The following MAP3K3 variants were observed in gnomAD, a reference collection of about 807,000 sequenced individuals.
MAP3K3 encodes MAP/ERK kinase kinase 3.
Under a neutral mutation model 80.9 loss-of-function variants are expected in MAP3K3, and 12 were observed. That is an observed-to-expected ratio of 0.15 (90% CI 0.10 to 0.24). MAP3K3 has a LOEUF of 0.24. MAP3K3 is among the 10% of genes least tolerant of loss of function. The pLI, the probability that MAP3K3 is intolerant of heterozygous loss-of-function variation, is 1.00. For synonymous variants in MAP3K3, 272 were observed against 307.1 expected, an observed-to-expected ratio of 0.89 and a Z score of 1.19; for missense variants, 596 against 834.7, an observed-to-expected ratio of 0.71 and a Z score of 3.52.
In MAP3K3 at chr17:63,693,398, G is replaced by A. The variant is rs1390805688; in HGVS notation, c.1653-151G>A. ...GTGAGTGTAGGTCCATGAAGCCCAC[G>A]TGGACAGACATCCAAGCTGAGGTAT... On this transcript the variant is annotated intron_variant, in intron 15 of 15. Transcript: ENST00000361733. The surrounding 1 kb of genome is among the most constrained non-coding windows in gnomAD (Gnocchi z 4.2). 3.2e-6 allele frequency: 2 copies of A among 615,410 alleles called. No individual in the cohort carries two copies. Among genetic ancestry groups the A allele is most frequent in the East Asian group, 3.0e-5 (1 of 32,928 alleles). 38.1% of individuals were successfully genotyped at this position (615,410 alleles called of 1,614,324 possible).
intron 6 of MAP3K3, among the ~76,000 whole-genome samples, chr17:63,667,375 T>C (rs1035633273): frequency 6.6e-6 from 1 of 152,224 alleles, no homozygotes; most frequent in East Asian, 1.9e-4. Flanking sequence ...CTTTTGACCA[T>C]TCTTGTGAAG....
chr17:63,679,712 A>G (rs9906221), intron 6 of MAP3K3, among the ~76,000 whole-genome samples: 5,229 of 152,198 alleles, frequency 0.034, 322 homozygotes, highest in African/African-American at 0.12. Context: ...TCCTGGCCTC[A>G]AGCATTTCTC....
At chr17:63,675,470 A>G (rs1432940154) in intron 6 of MAP3K3, among the ~76,000 whole-genome samples, 1 of 152,190 alleles carries the variant, frequency 6.6e-6, no homozygotes, top group Non-Finnish European at 1.5e-5. Flanking sequence ...GAGAAGGGCT[A>G]GAATCTGAGA....
rs140911192 is a variant in MAP3K3 at position 63,674,556 on chromosome 17, C to T, written c.503-7210C>T. On this transcript the variant is annotated intron_variant, in intron 6 of 15. Transcript: ENST00000361733. ...TAGAGATGAGTTCTCACTATGTTGC[C>T]CAGCCTGGTCTTGAATTCCTGGTCT... Among the ~76,000 whole-genome samples the T allele has an allele frequency of 8.5e-3, 1,296 of 152,132 alleles. 22 individuals are homozygous for T. Among genetic ancestry groups the T allele is most frequent in the African/African-American group, 0.029 (1,220 of 41,486 alleles).
intron 2 of MAP3K3, among the ~76,000 whole-genome samples, chr17:63,643,635 T>C (rs1274863259): frequency 6.6e-6 from 1 of 152,120 alleles, no homozygotes; most frequent in Admixed American, 6.6e-5. Context: ...ATTTATTAAT[T>C]AAAATAATAG....
intron 6 of MAP3K3, among the ~76,000 whole-genome samples, chr17:63,667,673 A>G (rs1485469102): frequency 2.0e-5 from 3 of 152,198 alleles, no homozygotes; most frequent in Non-Finnish European, 4.4e-5. Flanking sequence ...ACCTACCCAC[A>G]TCCTCCTTCA....
At position 63,693,676 on chromosome 17, in the gene MAP3K3, G is replaced by A; in HGVS notation, c.1780G>A (p.Glu594Lys). 1 of 1,609,194 alleles carries A rather than the reference G, an allele frequency of 6.2e-7. No homozygotes were observed. The change falls in exon 16 of 16, where the codon GAA (glutamate) becomes AAA (lysine). Residue 594 changes from glutamate to lysine, a missense_variant. Coordinates refer to ENST00000361733, the MANE Select transcript of MAP3K3 (RefSeq NM_002401.5). This position sits in a 1 kb window ranked among gnomAD's most constrained non-coding sequence, Gnocchi z 4.2. ...TNPQLPSHIS[E>K]HGRDFLRRIF... is the part of the protein sequence containing the mutation. ...TCCTCAGCTGCCCTCCCACATCTCT[G>A]AACATGGCCGGGACTTCCTGAGGCG...
At chr17:63,659,484 A>G (rs1371620389) in intron 5 of MAP3K3, among the ~76,000 whole-genome samples, 1 of 151,590 alleles carries the variant, frequency 6.6e-6, no homozygotes, top group Non-Finnish European at 1.5e-5. Context: ...ATATGTGATG[A>G]AATATCAGTT....
chr17:63,689,922 C>G lies in MAP3K3; in HGVS notation c.1063+187C>G. ...ACTATTGTGTGACAAGCCTCTTCTC[C>G]TCTCTGATCTTTAGTTTTTCCATGT... On this transcript the variant is annotated intron_variant, in intron 11 of 15. Transcript: ENST00000361733. This position sits in a 1 kb window ranked among gnomAD's most constrained non-coding sequence, Gnocchi z 4.3. The G allele has an allele frequency of 1.7e-6, 1 of 603,844 alleles. No individual in the cohort carries two copies. Among genetic ancestry groups the G allele is most frequent in the Non-Finnish European group, 2.9e-6 (1 of 348,164 alleles). The allele number at this position is 603,844 out of a possible 1,614,324, so 37.4% of individuals were successfully genotyped here.
chr17:63,691,926 G>T lies in MAP3K3; in HGVS notation c.1474+64G>T. 1 of 1,551,066 alleles carries T rather than the reference G, an allele frequency of 6.4e-7. No homozygotes were observed. The highest frequency in any genetic ancestry group is 8.8e-7 in the Non-Finnish European group (1 of 1,130,062). On this transcript the variant is annotated intron_variant, in intron 14 of 15. Transcript: ENST00000361733. The surrounding 1 kb of genome is among the most constrained non-coding windows in gnomAD (Gnocchi z 4.8). ...GGTTCAAGTCTACCATTGAGTGCCT[G>T]CAGGGGCCAATCACTTAACCATTCT... is the stretch of plus-strand genomic sequence containing the variant.
intron 6 of MAP3K3, among the ~76,000 whole-genome samples, chr17:63,667,430 T>G (rs1349405303): frequency 6.6e-6 from 1 of 152,208 alleles, no homozygotes; most frequent in Non-Finnish European, 1.5e-5. Flanking sequence ...GTTTGAATTT[T>G]GACCTTAAAC....
chr17:63,641,947 A>G (rs1257495737), intron 2 of MAP3K3, among the ~76,000 whole-genome samples: 1 of 152,252 alleles, frequency 6.6e-6, no homozygotes, highest in Non-Finnish European at 1.5e-5. Flanking sequence ...AGTTGGAAAT[A>G]GAGTTGGCCA....
At chr17:63,662,227 G>C (rs1417496814) in intron 5 of MAP3K3, among the ~76,000 whole-genome samples, 1 of 138,622 alleles carries the variant, frequency 7.2e-6, no homozygotes, top group Non-Finnish European at 1.5e-5. Flanking sequence ...GCAACATGGC[G>C]AAACCCTGTC....
chr17:63,690,946 G>A (rs1381727605), intron 12 of MAP3K3, 156 bp from the exon 13 acceptor site: 1 of 858,892 alleles, frequency 1.2e-6, no homozygotes, highest in South Asian at 1.7e-5. Context: ...CAGCATTGTG[G>A]CCAAGAGCTA....
At chr17:63,633,110 C>A (rs2034251123) in intron 2 of MAP3K3, among the ~76,000 whole-genome samples, 1 of 151,988 alleles carries the variant, frequency 6.6e-6, no homozygotes, top group South Asian at 2.1e-4. Flanking sequence ...TGCCTGTAGT[C>A]CCAGCTACTC....
intron 3 of MAP3K3, among the ~76,000 whole-genome samples, chr17:63,649,613 G>T (rs1398395076): frequency 6.6e-6 from 1 of 152,094 alleles, no homozygotes; most frequent in Non-Finnish European, 1.5e-5. Flanking sequence ...TTGCCATTTT[G>T]CCCAGGCTGG....
chr17:63,694,018 G>T lies in MAP3K3; in HGVS notation c.*241G>T, dbSNP rs530781711. The stretch of plus-strand genomic sequence containing the variant: ...GGAGCTCCAGTGTCCTGAGCTCAGC[G>T]TGGAGGGGTAGGGGCTGGGAACAGT... On this transcript the variant is annotated 3_prime_UTR_variant, in exon 16 of 16. Coordinates refer to ENST00000361733, the MANE Select transcript of MAP3K3 (RefSeq NM_002401.5). The T allele has an allele frequency of 2.1e-6, 1 of 486,128 alleles. No individual in the cohort carries two copies. Among genetic ancestry groups the T allele is most frequent in the Non-Finnish European group, 3.6e-6 (1 of 275,550 alleles). 30.1% of individuals were successfully genotyped at this position (486,128 alleles called of 1,614,324 possible).
At chr17:63,647,031 A>G (rs925340668) in intron 3 of MAP3K3, among the ~76,000 whole-genome samples, 1 of 152,260 alleles carries the variant, frequency 6.6e-6, no homozygotes, top group South Asian at 2.1e-4. Flanking sequence ...TCACCACAGG[A>G]CCTTAGTACC....
chr17:63,684,613 A>G (rs1300247374), intron 7 of MAP3K3, among the ~76,000 whole-genome samples: 1 of 152,208 alleles, frequency 6.6e-6, no homozygotes, highest in Non-Finnish European at 1.5e-5. Flanking sequence ...GTGAATTTTC[A>G]TAATTCTGAT....
Sources: gnomAD v4.1 joint callset for allele counts (sites outside exome capture counted in the v4.1 genomes callset) on GRCh38, gnomAD v4.1.1 for gene constraint, Gnocchi (gnomAD v3.1) non-coding constraint, MANE v1.5 for transcripts, NCBI Gene and HGNC (gene_info 2026-07-23, HGNC 2026-07-21) for gene names.